SAMMSON: variants seen among roughly 807,000 people sequenced by gnomAD.
SAMMSON encodes the protein long intergenic non-protein coding RNA 1212.
chr3:70,000,068 C>A (rs1221546508), intron 1 of SAMMSON, among the ~76,000 whole-genome samples: 1 of 152,218 alleles, frequency 6.6e-6, no homozygotes, highest in East Asian at 1.9e-4. Context: ...AGAAAGCCCT[C>A]TGTCCTTGCG....
At chr3:70,045,629 T>C (rs991460934) in intron 3 of SAMMSON, among the ~76,000 whole-genome samples, 1 of 152,068 alleles carries the variant, frequency 6.6e-6, no homozygotes, top group African/African-American at 2.4e-5. Context: ...AAAAACATGA[T>C]GCATTCATTT....
At chr3:70,307,318 G>T (rs114153725) in intron 7 of SAMMSON, among the ~76,000 whole-genome samples, 3,461 of 152,184 alleles carry the variant, frequency 0.023, 82 homozygotes, top group South Asian at 0.079. Flanking sequence ...GAAATCGTGT[G>T]CACTTCAAAC....
At chr3:70,220,591 G>A (rs1293917083) in intron 4 of SAMMSON, among the ~76,000 whole-genome samples, 1 of 152,154 alleles carries the variant, frequency 6.6e-6, no homozygotes. Context: ...TGGAAACATA[G>A]TCAGGACCCA....
At chr3:70,123,019 CT>C (rs1273539286) in intron 4 of SAMMSON, among the ~76,000 whole-genome samples, 1 of 152,160 alleles carries the variant, frequency 6.6e-6, no homozygotes, top group African/African-American at 2.4e-5. Flanking sequence ...ACCTGAAATA[CT>C]TAAAAATAGT....
chr3:70,011,187 T>A (rs2107576912), intron 1 of SAMMSON, among the ~76,000 whole-genome samples: 1 of 152,296 alleles, frequency 6.6e-6, no homozygotes, highest in East Asian at 1.9e-4. Context: ...TCATCTGTTT[T>A]TTGTGAAGTT....
chr3:70,244,031 A>G (rs1045417372), intron 4 of SAMMSON, among the ~76,000 whole-genome samples: 1 of 152,116 alleles, frequency 6.6e-6, no homozygotes, highest in African/African-American at 2.4e-5. Context: ...TGACTCACAT[A>G]TGGAAGATTC....
intron 3 of SAMMSON, among the ~76,000 whole-genome samples, chr3:70,050,505 A>C (rs1165785569): frequency 1.3e-5 from 2 of 152,162 alleles, no homozygotes; most frequent in Admixed American, 6.5e-5. Flanking sequence ...CAGAAAGAAG[A>C]GACCTGTATG....
intron 2 of SAMMSON, among the ~76,000 whole-genome samples, chr3:70,427,513 G>A (rs376799938): frequency 4.6e-5 from 7 of 152,254 alleles, no homozygotes; most frequent in Admixed American, 2.0e-4. Flanking sequence ...GCTGAGATGG[G>A]CGGATCACGA....
chr3:70,364,778 C>A (rs1702907023), intron 9 of SAMMSON, among the ~76,000 whole-genome samples: 1 of 151,534 alleles, frequency 6.6e-6, no homozygotes. Context: ...CATTCTACAC[C>A]TTTTATGTTT....
At chr3:70,060,337 G>C (rs1244857722) in intron 3 of SAMMSON, among the ~76,000 whole-genome samples, 1 of 152,058 alleles carries the variant, frequency 6.6e-6, no homozygotes, top group Non-Finnish European at 1.5e-5. Context: ...TGGAGAAGGG[G>C]AACTTGACCA....
intron 4 of SAMMSON, among the ~76,000 whole-genome samples, chr3:70,155,689 A>G (rs566801912): frequency 6.6e-6 from 1 of 152,152 alleles, no homozygotes; most frequent in East Asian, 1.9e-4. Context: ...CTGTAATAAC[A>G]TACAAGCCAT....
intron 9 of SAMMSON, among the ~76,000 whole-genome samples, chr3:70,361,442 T>A (rs1019350557): frequency 1.3e-5 from 2 of 152,220 alleles, no homozygotes; most frequent in African/African-American, 4.8e-5. Context: ...TGGGCCGTCA[T>A]CTTTGTTCAT....
intron 4 of SAMMSON, among the ~76,000 whole-genome samples, chr3:70,227,448 A>G (rs1431125199): frequency 1.3e-5 from 2 of 152,172 alleles, no homozygotes; most frequent in Admixed American, 6.5e-5. Context: ...TGGCAGGAAA[A>G]ACAGACCACT....
intron 7 of SAMMSON, chr3:70,332,603 G>GTTT: frequency 6.7e-6 from 1 of 148,246 alleles, no homozygotes. Context: ...GGAAAATTTG[G>GTTT]TTTTTTTTTT....
intron 2 of SAMMSON, among the ~76,000 whole-genome samples, chr3:70,397,162 A>G (rs1332379222): frequency 6.6e-6 from 1 of 152,216 alleles, no homozygotes; most frequent in African/African-American, 2.4e-5. Context: ...TGACTATTAT[A>G]AAATTGAGAT....
intron 3 of SAMMSON, among the ~76,000 whole-genome samples, chr3:70,060,091 T>C (rs575910404): frequency 1.3e-4 from 20 of 152,216 alleles, no homozygotes; most frequent in African/African-American, 4.6e-4. Flanking sequence ...GAGCTATGTC[T>C]TAAAGGAAGA....
chr3:70,022,177 C>T (rs138340651), intron 3 of SAMMSON, among the ~76,000 whole-genome samples: 144 of 150,234 alleles, frequency 9.6e-4, no homozygotes, highest in Middle Eastern at 3.5e-3. Flanking sequence ...TTCTACAAAC[C>T]GATTCTGCCC....
At chr3:70,149,463 A>G (rs956230625) in intron 4 of SAMMSON, among the ~76,000 whole-genome samples, 4 of 152,206 alleles carry the variant, frequency 2.6e-5, no homozygotes, top group African/African-American at 7.2e-5. Flanking sequence ...CTGGGCGCTC[A>G]TTAAAGATGC....
intron 3 of SAMMSON, among the ~76,000 whole-genome samples, chr3:70,031,350 A>G (rs1240071661): frequency 2.6e-5 from 4 of 152,140 alleles, no homozygotes; most frequent in East Asian, 3.9e-4. Context: ...ATTCATAGAC[A>G]TGGAAAATAG....
Sources: gnomAD v4.1 joint callset for allele counts (sites outside exome capture counted in the v4.1 genomes callset) on GRCh38, gnomAD v4.1.1 for gene constraint, MANE v1.5 for transcripts, NCBI Gene and HGNC (gene_info 2026-07-23, HGNC 2026-07-21) for gene names.